Variants in ADARB2 observed in about 807,000 individuals in gnomAD.
The protein encoded by ADARB2 is adenosine deaminase RNA specific B2 (inactive), also known as inactive double-stranded RNA-specific editase B2.
In ADARB2, 25 loss-of-function variants were observed where a neutral mutation model predicts 62.2. The observed-to-expected ratio is 0.40, with a 90% CI of 0.29 to 0.56. ADARB2 has a LOEUF of 0.56. Among genes scored for constraint, ADARB2 ranks in the 20% least tolerant of loss-of-function variants. The probability of loss-of-function intolerance (pLI) is 0.43; values close to 1 mark genes in which losing one functional copy is unlikely to be tolerated. For synonymous variants in ADARB2, 572 were observed against 500.8 expected, an observed-to-expected ratio of 1.14 and a Z score of -1.90; for missense variants, 1,071 against 1,077.4, an observed-to-expected ratio of 0.99 and a Z score of 0.08.
chr10:1,317,772 T>G, intron 3 of ADARB2, among the ~76,000 whole-genome samples: 2 of 150,294 alleles, frequency 1.3e-5, no homozygotes, highest in African/African-American at 2.5e-5. Context: ...TGGGTCAGTT[T>G]GTGTGGCTCT....
chr10:1,286,930 G>T lies in ADARB2; in HGVS notation c.1078-15861C>A, dbSNP rs1418335323. ...GTTATTGCCATTATCATCCAACTGT[G>T]TGCAAACATAACATTTTTTTAGAAA... On this transcript the variant is annotated intron_variant, in intron 3 of 9. Transcript: ENST00000381312. 5.0e-4 allele frequency among the ~76,000 whole-genome samples: 76 copies of T among 152,150 alleles called. 1 individual carries two copies. The highest frequency in any genetic ancestry group is 5.0e-3 in the Admixed American group (76 of 15,288).
chr10:1,658,744 C>A (rs746585033), intron 1 of ADARB2, among the ~76,000 whole-genome samples: 1 of 152,250 alleles, frequency 6.6e-6, no homozygotes, highest in Admixed American at 6.5e-5. Context: ...TGCCTTAGGT[C>A]GTCAAGACTT....
intron 1 of ADARB2, among the ~76,000 whole-genome samples, chr10:1,511,744 C>T (rs945346506): frequency 6.6e-6 from 1 of 151,682 alleles, no homozygotes; most frequent in African/African-American, 2.4e-5. Flanking sequence ...CACTGGATAC[C>T]AAGACATGGA....
chr10:1,300,012 G>C (rs1488942331), intron 3 of ADARB2, among the ~76,000 whole-genome samples: 1 of 152,168 alleles, frequency 6.6e-6, no homozygotes, highest in African/African-American at 2.4e-5. Context: ...TGGAGGCAGA[G>C]GTCCTTTTCC....
chr10:1,207,500 C>T (rs1837085044), intron 7 of ADARB2, among the ~76,000 whole-genome samples: 1 of 152,102 alleles, frequency 6.6e-6, no homozygotes. Flanking sequence ...TCAGTGGAGT[C>T]AACAAATCAT....
At position 1,428,382 on chromosome 10, in the gene ADARB2, G is replaced by A. The variant is rs544605442; in HGVS notation, c.101-49222C>T. ...GCTCACTGCAAGCTCCGCCTCCCAGGTTCACGCCATTCTCTTGCCTCAGCC... is the reference window on the plus strand; with the variant it reads ...GCTCACTGCAAGCTCCGCCTCCCAGATTCACGCCATTCTCTTGCCTCAGCC... On this transcript the variant is annotated intron_variant, in intron 1 of 9. Transcript: ENST00000381312. Among the ~76,000 whole-genome samples the A allele has an allele frequency of 1.2e-4, 18 of 151,486 alleles. No homozygotes were observed. The East Asian group carries it at 3.5e-3, about 29-fold the overall frequency.
rs546017514 is a variant in ADARB2, at chr10:1,626,557, G to A, written c.100+110494C>T. Among the ~76,000 whole-genome samples the A allele has an allele frequency of 7.9e-5, 12 of 152,264 alleles. No homozygotes were observed. The East Asian group carries it at 1.9e-3, about 25-fold the overall frequency. On this transcript the variant is annotated intron_variant, in intron 1 of 9. Coordinates refer to ENST00000381312, the MANE Select transcript of ADARB2 (RefSeq NM_018702.4). ...CCCGTGGCTGTGAACTCCCCTGCACGTGTCATGGGAGTTCCCAGGCCATCC... is the reference window on the plus strand; with the variant it reads ...CCCGTGGCTGTGAACTCCCCTGCACATGTCATGGGAGTTCCCAGGCCATCC...
intron 1 of ADARB2, among the ~76,000 whole-genome samples, chr10:1,674,405 C>T (rs1478901161): frequency 6.6e-6 from 1 of 152,154 alleles, no homozygotes; most frequent in East Asian, 1.9e-4. Context: ...ATTTTGGAAG[C>T]TTTGGGTGGC....
intron 1 of ADARB2, among the ~76,000 whole-genome samples, chr10:1,516,754 G>A (rs1832014256): frequency 6.6e-6 from 1 of 152,254 alleles, no homozygotes; most frequent in African/African-American, 2.4e-5. Context: ...AGAGATGGGG[G>A]AAAATGAGTT....
At chr10:1,600,829 CT>C (rs1833402809) in intron 1 of ADARB2, among the ~76,000 whole-genome samples, 3 of 152,198 alleles carry the variant, frequency 2.0e-5, no homozygotes, top group Admixed American at 1.3e-4. Context: ...CTATGATTCT[CT>C]GAGGCCCCTG....
chr10:1,186,169 G>A (rs1836755434), intron 8 of ADARB2, among the ~76,000 whole-genome samples: 1 of 152,254 alleles, frequency 6.6e-6, no homozygotes, highest in Admixed American at 6.5e-5. Flanking sequence ...GGGTGGGGAA[G>A]GCATCAGAGG....
intron 1 of ADARB2, among the ~76,000 whole-genome samples, chr10:1,579,343 G>A (rs538530822): frequency 6.4e-4 from 98 of 152,266 alleles, no homozygotes; most frequent in African/African-American, 2.2e-3. Flanking sequence ...TATGTGTGCC[G>A]CTGAATCATG....
At chr10:1,598,825 A>G (rs1306552756) in intron 1 of ADARB2, among the ~76,000 whole-genome samples, 1 of 152,236 alleles carries the variant, frequency 6.6e-6, no homozygotes, top group Non-Finnish European at 1.5e-5. Context: ...ACAGAAGCGA[A>G]GGGATCTCCC....
intron 1 of ADARB2, among the ~76,000 whole-genome samples, chr10:1,450,559 G>T (rs1179480829): frequency 6.6e-6 from 1 of 152,228 alleles, no homozygotes; most frequent in African/African-American, 2.4e-5. Flanking sequence ...CCGTTTGCTG[G>T]CTCCTTTTGT....
At chr10:1,652,852 TAAAC>T (rs1294572640) in intron 1 of ADARB2, among the ~76,000 whole-genome samples, 1 of 152,098 alleles carries the variant, frequency 6.6e-6, no homozygotes, top group Non-Finnish European at 1.5e-5. Context: ...CTAGGACTGA[TAAAC>T]AAACCAGCCG....
chr10:1,349,512 C>T (rs1178504768), intron 3 of ADARB2, among the ~76,000 whole-genome samples: 2 of 152,192 alleles, frequency 1.3e-5, no homozygotes, highest in African/African-American at 4.8e-5. Context: ...GATCCACCTA[C>T]AACCTCGGGT....
At chr10:1,475,536 C>G (rs1048369662) in intron 1 of ADARB2, among the ~76,000 whole-genome samples, 16 of 152,212 alleles carry the variant, frequency 1.1e-4, no homozygotes, top group African/African-American at 3.9e-4. Context: ...GAAATACCCT[C>G]AGGATTGCCC....
chr10:1,293,005 G>GGAGA lies in ADARB2; in HGVS notation c.1078-21940_1078-21937dup, dbSNP rs142897376. 6.0e-4 allele frequency: 31 copies of GGAGA among 51,448 alleles called. 1 individual carries two copies. Among genetic ancestry groups the GGAGA allele is most frequent in the Non-Finnish European group, 1.1e-3 (27 of 24,744 alleles). 3.2% of individuals were successfully genotyped at this position (51,448 alleles called of 1,614,324 possible). The stretch of plus-strand genomic sequence containing the variant: ...GAGAGAGAGAGGGAGAGGGAGGGAA[G>GGAGA]GAGAGAGGGAGGGGAGAGAGAGGGA... On this transcript the variant is annotated intron_variant, in intron 3 of 9. Transcript: ENST00000381312.
At chr10:1,257,488 C>T (rs1464297270) in intron 4 of ADARB2, among the ~76,000 whole-genome samples, 1 of 152,210 alleles carries the variant, frequency 6.6e-6, no homozygotes, top group Non-Finnish European at 1.5e-5. Context: ...AGATGCCCAT[C>T]CCCTCTCTAA....
Sources: allele counts gnomAD v4.1 joint callset (sites outside exome capture counted in the v4.1 genomes callset), GRCh38; gene constraint gnomAD v4.1.1; transcripts MANE v1.5; gene names NCBI Gene and HGNC (gene_info 2026-07-23, HGNC 2026-07-21).